The following TP63 variants were observed in gnomAD, a reference collection of about 807,000 sequenced individuals.
The protein encoded by TP63 is tumor protein p63, also known as tumor protein 63.
A neutral mutation model predicts 82.8 loss-of-function variants in TP63; 17 were observed. That is an observed-to-expected ratio of 0.21 (90% CI 0.14 to 0.31). The LOEUF is 0.31. Ranked by LOEUF, TP63 falls within the 10% of genes least tolerant of loss-of-function variation. TP63 has a pLI of 1.00. For missense variants in TP63, 648 were observed against 895.3 expected, an observed-to-expected ratio of 0.72 and a Z score of 3.52; for synonymous variants, 330 against 321.7, an observed-to-expected ratio of 1.03 and a Z score of -0.28.
At chr3:189,824,481 C>A (rs1729128692) in intron 4 of TP63, among the ~76,000 whole-genome samples, 1 of 152,160 alleles carries the variant, frequency 6.6e-6, no homozygotes, top group African/African-American at 2.4e-5. Flanking sequence ...GATCCACCTG[C>A]CTCAGCCTCC....
intron 3 of TP63, among the ~76,000 whole-genome samples, chr3:189,763,760 A>G (rs1722748874): frequency 6.6e-6 from 1 of 152,234 alleles, no homozygotes; most frequent in South Asian, 2.1e-4. Context: ...GAGCTAAAAA[A>G]TACTTGACTC....
chr3:189,874,063 A>C (rs1007125864), intron 10 of TP63, among the ~76,000 whole-genome samples: 4 of 152,116 alleles, frequency 2.6e-5, no homozygotes, highest in Non-Finnish European at 5.9e-5. Context: ...AAGTGTAATA[A>C]AGAGGGCTTA....
At chr3:189,768,509 C>T (rs1040340866) in intron 3 of TP63, among the ~76,000 whole-genome samples, 2 of 152,088 alleles carry the variant, frequency 1.3e-5, no homozygotes, top group African/African-American at 4.8e-5. Flanking sequence ...TCCAGATAAT[C>T]ATTACTCAAA....
chr3:189,810,584 G>T (rs896257315), intron 4 of TP63, among the ~76,000 whole-genome samples: 5 of 152,128 alleles, frequency 3.3e-5, no homozygotes, highest in Admixed American at 2.6e-4. Context: ...AAAGCCGGGC[G>T]TGGTGGCTCA....
intron 8 of TP63, 130 bp from the exon 9 acceptor site, chr3:189,869,194 T>C: frequency 1.3e-6 from 1 of 745,736 alleles, no homozygotes. Context: ...CATGTGTTGC[T>C]GGTACTACTG....
Position 189,786,909 on chromosome 3 carries a change from C to T in TP63, c.325-21363C>T, listed in dbSNP as rs1576952848. ...CTAAACATTTAGTACATTTGAGATC[C>T]ACATATAAGCATTGTTGTTGAGTGC... On this transcript the variant is annotated intron_variant, in intron 3 of 13. Coordinates refer to ENST00000264731, the MANE Select transcript of TP63 (RefSeq NM_003722.5). Among the ~76,000 whole-genome samples the T allele has an allele frequency of 1.3e-5, 2 of 152,068 alleles. 1 individual carries two copies. Among genetic ancestry groups the T allele is most frequent in the Middle Eastern group, 6.8e-3 (2 of 294 alleles).
chr3:189,596,787 T>C, the TP63 span, among the ~76,000 whole-genome samples: 1 of 152,104 alleles, frequency 6.6e-6, no homozygotes, highest in South Asian at 2.1e-4. Flanking sequence ...GGAAGCTTTG[T>C]TCTTTTGCTC....
At chr3:189,635,242 T>A (rs796450977) in intron 1 of TP63, among the ~76,000 whole-genome samples, 2 of 152,158 alleles carry the variant, frequency 1.3e-5, no homozygotes, top group Admixed American at 1.3e-4. Context: ...ATATTTGTTA[T>A]GATTTTTATT....
rs995147460 is a variant in TP63, at chr3:189,897,199, G to C, written c.*2697G>C. The C allele has an allele frequency of 4.6e-6, 1 of 215,256 alleles. No homozygotes were observed. Among genetic ancestry groups the C allele is most frequent in the African/African-American group, 2.3e-5 (1 of 44,388 alleles). The allele number at this position is 215,256 out of a possible 1,614,324, so 13.3% of individuals were successfully genotyped here. A position where few individuals can be genotyped will look rare whatever the true frequency, so the allele number is the denominator to read the frequency against. On this transcript the variant is annotated 3_prime_UTR_variant, in exon 14 of 14. Coordinates refer to ENST00000264731, the MANE Select transcript of TP63 (RefSeq NM_003722.5). ...TCTGTTATGGGCTTTTGGGGAGCCA[G>C]AAGCCAATCTACAATCTCTTTTTGT...
At chr3:189,676,507 A>G (rs1407662016) in intron 1 of TP63, among the ~76,000 whole-genome samples, 1 of 151,978 alleles carries the variant, frequency 6.6e-6, no homozygotes, top group African/African-American at 2.4e-5. Flanking sequence ...AGGCTGAATA[A>G]TATTTCAATA....
At chr3:189,786,946 A>T (rs1023475510) in intron 3 of TP63, among the ~76,000 whole-genome samples, 1 of 152,058 alleles carries the variant, frequency 6.6e-6, no homozygotes, top group Non-Finnish European at 1.5e-5. Context: ...GAGAATTGTT[A>T]CTTCTTTGTA....
At chr3:189,775,720 T>A (rs150449697) in intron 3 of TP63, among the ~76,000 whole-genome samples, 2 of 152,318 alleles carry the variant, frequency 1.3e-5, no homozygotes, top group Non-Finnish European at 2.9e-5. Flanking sequence ...TGAAAACTTT[T>A]CACAGAGAGA....
intron 13 of TP63, 28 bp from the exon 14 acceptor site, chr3:189,894,178 C>T (rs777357817): frequency 1.2e-6 from 2 of 1,614,010 alleles, no homozygotes; most frequent in South Asian, 2.2e-5. Flanking sequence ...TGTTTTCATT[C>T]TCCATGACAC....
At chr3:189,616,769 T>G in the TP63 span, among the ~76,000 whole-genome samples, 2 of 152,166 alleles carry the variant, frequency 1.3e-5, no homozygotes, top group South Asian at 4.1e-4. Context: ...ACGGTCAAGT[T>G]TTCATTGCTT....
At chr3:189,814,456 C>A (rs1236507389) in intron 4 of TP63, among the ~76,000 whole-genome samples, 1 of 152,102 alleles carries the variant, frequency 6.6e-6, no homozygotes, top group Non-Finnish European at 1.5e-5. Flanking sequence ...TACATGTGTT[C>A]GTGTTTATCA....
the TP63 span, among the ~76,000 whole-genome samples, chr3:189,609,507 ATCTTT>A: frequency 6.6e-6 from 1 of 151,942 alleles, no homozygotes; most frequent in African/African-American, 2.4e-5. Flanking sequence ...CCCAATAGTT[ATCTTT>A]TCTTATCCTC....
chr3:189,874,640 A>G (rs1304503969), intron 10 of TP63, among the ~76,000 whole-genome samples: 2 of 152,196 alleles, frequency 1.3e-5, no homozygotes, highest in African/African-American at 4.8e-5. Flanking sequence ...TGTATTCTGA[A>G]GGAGAATTAG....
chr3:189,612,128 G>A, the TP63 span, among the ~76,000 whole-genome samples: 19 of 151,696 alleles, frequency 1.3e-4, no homozygotes, highest in African/African-American at 2.4e-4. Flanking sequence ...TTTCTTTTTC[G>A]TGCCTAACGG....
At chr3:189,845,607 T>C (rs1263580507) in intron 4 of TP63, among the ~76,000 whole-genome samples, 1 of 151,646 alleles carries the variant, frequency 6.6e-6, no homozygotes, top group Non-Finnish European at 1.5e-5. Flanking sequence ...AATATGTTCG[T>C]TGGTGTATTT....
Sources: gnomAD v4.1 joint callset for allele counts (sites outside exome capture counted in the v4.1 genomes callset) on GRCh38, gnomAD v4.1.1 for gene constraint, MANE v1.5 for transcripts, NCBI Gene and HGNC (gene_info 2026-07-23, HGNC 2026-07-21) for gene names.